The following GRAMD1C variants were observed in gnomAD, a reference collection of about 807,000 sequenced individuals.
The protein encoded by GRAMD1C is GRAM domain containing 1C.
In GRAMD1C, 89 loss-of-function variants were observed where a neutral mutation model predicts 97.8. The observed-to-expected ratio is 0.91, with a 90% CI of 0.77 to 1.09. The LOEUF (loss-of-function observed/expected upper bound fraction) is 1.09, where lower values mean the gene tolerates loss of function less well. GRAMD1C is among the 50% of genes least tolerant of loss of function. The pLI, the probability that GRAMD1C is intolerant of heterozygous loss-of-function variation, is 0.00. For synonymous variants in GRAMD1C, 256 were observed against 267.0 expected, an observed-to-expected ratio of 0.96 and a Z score of 0.40; for missense variants, 740 against 766.4, an observed-to-expected ratio of 0.97 and a Z score of 0.41.
chr3:113,897,666 G>C (rs1935994468), intron 6 of GRAMD1C: 1 of 982,742 alleles, frequency 1.0e-6, no homozygotes, highest in Admixed American at 6.2e-5. Context: ...GCTGTGCATA[G>C]AGATGGCAAC....
intron 8 of GRAMD1C, among the ~76,000 whole-genome samples, chr3:113,908,293 T>A (rs993051318): frequency 1.3e-5 from 2 of 152,266 alleles, no homozygotes; most frequent in Non-Finnish European, 2.9e-5. Context: ...CATCATACTT[T>A]AATGCCTAAC....
At chr3:113,869,977 T>C (rs549441106) in intron 3 of GRAMD1C, among the ~76,000 whole-genome samples, 2 of 152,218 alleles carry the variant, frequency 1.3e-5, no homozygotes, top group East Asian at 3.9e-4. Context: ...GAGGACATTA[T>C]GTTAAATGAA....
chr3:113,905,456 C>T (rs1936336636), intron 8 of GRAMD1C, among the ~76,000 whole-genome samples: 1 of 152,166 alleles, frequency 6.6e-6, no homozygotes, highest in Admixed American at 6.5e-5. Context: ...AGTTTGGGGG[C>T]AGAGCTGAAT....
rs1933527845 is a variant in GRAMD1C at position 113,844,565 on chromosome 3, T to G, written c.90T>G (p.Pro30=). The part of the protein sequence containing the change: ...TDLQEDVEEN[P]SPTVEENNVV... The stretch of plus-strand genomic sequence containing the variant: ...TACAGGAAGATGTAGAGGAAAATCC[T>G]AGTCCAACTGTGGAAGAGAATAATG... Residue 30 remains proline (P), a synonymous_variant, in exon 2 of 18, where the codon CCT becomes CCG. Transcript: ENST00000358160. The G allele has an allele frequency of 5.0e-6, 8 of 1,604,322 alleles. No homozygotes were observed. The highest frequency in any genetic ancestry group is 1.3e-5 in the African/African-American group (1 of 74,600).
intron 2 of GRAMD1C, among the ~76,000 whole-genome samples, chr3:113,857,159 T>TA (rs978365937): frequency 2.1e-5 from 3 of 139,930 alleles, no homozygotes; most frequent in South Asian, 2.3e-4. Flanking sequence ...TTTATTTCCT[T>TA]AAAAAAAACA....
At chr3:113,931,505 C>T (rs895899808) in intron 11 of GRAMD1C, among the ~76,000 whole-genome samples, 2 of 151,970 alleles carry the variant, frequency 1.3e-5, no homozygotes, top group African/African-American at 4.8e-5. Context: ...ATTACAGGCG[C>T]ACGCCACCAT....
chr3:113,885,363 C>A, intron 6 of GRAMD1C: 1 of 1,593,702 alleles, frequency 6.3e-7, no homozygotes, highest in Non-Finnish European at 8.6e-7. Context: ...AGCTCTGGAG[C>A]TTCTTCATTT....
At chr3:113,945,053 A>G (rs1008842709) in intron 17 of GRAMD1C, among the ~76,000 whole-genome samples, 7 of 152,252 alleles carry the variant, frequency 4.6e-5, no homozygotes, top group African/African-American at 1.4e-4. Context: ...GCACTGAAGC[A>G]AACTTGAGTT....
In GRAMD1C at chr3:113,908,966, C is replaced by G; in HGVS notation, c.798C>G (p.Gly266=). ...GATTGTTTACCTTTTAGGGATTAGG[C>G]AAAGAGGAGTCCCAAAATGAGAAAC... ...FDGNSSKGGL[G]KEESQNEKQT... The change falls in exon 9 of 18, where the codon GGC becomes GGG. Residue 266 remains glycine (G), a synonymous_variant. Coordinates refer to ENST00000358160, the MANE Select transcript of GRAMD1C (RefSeq NM_017577.5). 2 of 1,565,432 alleles carry G rather than the reference C, an allele frequency of 1.3e-6. No individual in the cohort carries two copies. The highest frequency in any genetic ancestry group is 4.7e-5 in the East Asian group (2 of 42,172).
At chr3:113,858,265 C>A (rs1045641096) in intron 2 of GRAMD1C, among the ~76,000 whole-genome samples, 5 of 151,884 alleles carry the variant, frequency 3.3e-5, no homozygotes, top group Non-Finnish European at 5.9e-5. Flanking sequence ...CAGAGTCTCA[C>A]TCTGTTGCCC....
chr3:113,920,144 C>G lies in GRAMD1C; in HGVS notation c.1090+4306C>G, dbSNP rs897812166. ...ACTGAGGAAACAGAGAAAAAACTTT[C>G]ACCAGTGATTTGAATCTCCAGAATC... On this transcript the variant is annotated intron_variant, in intron 10 of 17. Coordinates refer to ENST00000358160, the MANE Select transcript of GRAMD1C (RefSeq NM_017577.5). 2.8e-6 allele frequency: 4 copies of G among 1,415,290 alleles called. No individual in the cohort carries two copies. In the South Asian group the frequency reaches 4.8e-5, roughly 17 times the overall value. 87.7% of individuals were successfully genotyped at this position (1,415,290 alleles called of 1,614,324 possible). A position where few individuals can be genotyped will look rare whatever the true frequency, so the allele number is the denominator to read the frequency against.
intron 3 of GRAMD1C, among the ~76,000 whole-genome samples, chr3:113,875,221 A>G (rs1934979521): frequency 6.6e-6 from 1 of 151,396 alleles, no homozygotes; most frequent in Non-Finnish European, 1.5e-5. Flanking sequence ...CTTTCTCTAC[A>G]CTTGGGTCAT....
At chr3:113,854,168 G>A (rs973285866) in intron 2 of GRAMD1C, among the ~76,000 whole-genome samples, 2 of 151,972 alleles carry the variant, frequency 1.3e-5, no homozygotes, top group Non-Finnish European at 2.9e-5. Context: ...CTGAGTTGGC[G>A]ATGCATGTTT....
In GRAMD1C at chr3:113,831,527, T is replaced by G. The variant is rs1054582863; in HGVS notation, n.98+3248T>G. 2.0e-5 allele frequency among the ~76,000 whole-genome samples: 3 copies of G among 152,180 alleles called. No homozygotes were observed. The East Asian group carries it at 5.8e-4, about 29-fold the overall frequency. On this transcript the variant is annotated intron_variant and non_coding_transcript_variant, in intron 1 of 18. Coordinates refer to the GRAMD1C transcript ENST00000479212. ...CATTACTTCTTCAAATATTCTTTCT[T>G]TCTTCTCTCCTGGAATTCCCATTTT...
intron 16 of GRAMD1C, 111 bp downstream of exon 16, chr3:113,940,107 C>T (rs1937700766): frequency 6.0e-6 from 5 of 837,804 alleles, no homozygotes; most frequent in Non-Finnish European, 1.0e-5. Flanking sequence ...TATCCTGTAG[C>T]CATAAACAGC....
At chr3:113,908,075 A>AAG (rs1460930514) in intron 8 of GRAMD1C, among the ~76,000 whole-genome samples, 3 of 152,084 alleles carry the variant, frequency 2.0e-5, no homozygotes, top group Non-Finnish European at 4.4e-5. Flanking sequence ...GCCAGTGGAA[A>AAG]CCTGTATCCT....
intron 17 of GRAMD1C, 85 bp downstream of exon 17, chr3:113,940,430 C>T: frequency 6.5e-6 from 5 of 769,844 alleles, no homozygotes; most frequent in Non-Finnish European, 8.9e-6. Context: ...GAATATTTAC[C>T]CTACTATCGT....
At chr3:113,900,995 T>C in intron 6 of GRAMD1C, 36 bp from the exon 7 acceptor site, 2 of 1,006,970 alleles carry the variant, frequency 2.0e-6, no homozygotes, top group Non-Finnish European at 3.2e-6. Context: ...TATTTTATAT[T>C]TTCCAATGCT....
intron 10 of GRAMD1C, among the ~76,000 whole-genome samples, chr3:113,927,666 T>C (rs1937273366): frequency 6.6e-6 from 1 of 152,216 alleles, no homozygotes. Flanking sequence ...CTGGACACTC[T>C]AGCAGGCATG....
Sources: allele counts gnomAD v4.1 joint callset (sites outside exome capture counted in the v4.1 genomes callset), GRCh38; gene constraint gnomAD v4.1.1; transcripts MANE v1.5; gene names NCBI Gene and HGNC (gene_info 2026-07-23, HGNC 2026-07-21).